Variants in MED27 observed in about 807,000 individuals in gnomAD.
The protein encoded by MED27 is mediator complex subunit 27.
In MED27, 30 loss-of-function variants were observed where a neutral mutation model predicts 38.2. The observed-to-expected ratio is 0.79, with a 90% CI of 0.59 to 1.07. The LOEUF (loss-of-function observed/expected upper bound fraction) is 1.07, where lower values mean the gene tolerates loss of function less well. Among genes scored for constraint, MED27 ranks in the 50% least tolerant of loss-of-function variants. MED27 has a pLI of 0.00. For synonymous variants in MED27, 122 were observed against 153.5 expected, an observed-to-expected ratio of 0.79 and a Z score of 1.52; for missense variants, 289 against 397.5, an observed-to-expected ratio of 0.73 and a Z score of 2.32.
At chr9:131,980,416 G>C (rs1201125116) in intron 3 of MED27, among the ~76,000 whole-genome samples, 1 of 152,168 alleles carries the variant, frequency 6.6e-6, no homozygotes, top group African/African-American at 2.4e-5. Flanking sequence ...CAGTGATTGA[G>C]AGATTCTAGT....
chr9:131,936,379 CAGATG>C (rs775798703), intron 4 of MED27, among the ~76,000 whole-genome samples: 3 of 152,158 alleles, frequency 2.0e-5, no homozygotes, highest in African/African-American at 4.8e-5. Flanking sequence ...CAGTGAGGAC[CAGATG>C]AGATAAGTGC....
chr9:131,904,447 C>T (rs975629534), intron 4 of MED27, among the ~76,000 whole-genome samples: 5 of 152,064 alleles, frequency 3.3e-5, no homozygotes, highest in Non-Finnish European at 7.3e-5. Context: ...ATTACCCAGG[C>T]TGGAGTACAG....
intron 2 of MED27, among the ~76,000 whole-genome samples, chr9:132,022,875 C>T (rs1043601940): frequency 2.0e-5 from 3 of 152,174 alleles, no homozygotes; most frequent in African/African-American, 7.2e-5. Flanking sequence ...TGAGCACTCA[C>T]TATCATGAGA....
At chr9:131,878,274 A>AAAATAAATAAATAAAT (rs139530478) in intron 6 of MED27, among the ~76,000 whole-genome samples, 46 of 147,828 alleles carry the variant, frequency 3.1e-4, no homozygotes, top group African/African-American at 1.1e-3. Flanking sequence ...CTCCATTACA[A>AAAATAAATAAATAAAT]AAATAAATAA....
At chr9:132,046,151 C>T (rs1052845402) in intron 2 of MED27, among the ~76,000 whole-genome samples, 5 of 152,068 alleles carry the variant, frequency 3.3e-5, no homozygotes, top group Admixed American at 1.3e-4. Flanking sequence ...ACTGACGAAT[C>T]GAGAGAAGAA....
In MED27 at chr9:131,998,770, T is replaced by C. The variant is rs150808429; in HGVS notation, c.479+15567A>G. On this transcript the variant is annotated intron_variant, in intron 3 of 7. Coordinates refer to ENST00000292035, the MANE Select transcript of MED27 (RefSeq NM_004269.4). ...CCCACATTTGATGTGTAAAGTCAGG[T>C]CCTGTACAAGCCACACTTGGGAGGC... 5.2e-3 allele frequency among the ~76,000 whole-genome samples: 789 copies of C among 152,192 alleles called. 3 individuals are homozygous for C. The highest frequency in any genetic ancestry group is 0.017 in the African/African-American group (707 of 41,514).
At chr9:131,882,785 T>C (rs1319786747) in intron 6 of MED27, among the ~76,000 whole-genome samples, 1 of 152,196 alleles carries the variant, frequency 6.6e-6, no homozygotes, top group African/African-American at 2.4e-5. Flanking sequence ...CCCCTTGTGT[T>C]TCCTGGCCAC....
intron 4 of MED27, among the ~76,000 whole-genome samples, chr9:131,921,087 A>G (rs958935093): frequency 1.3e-5 from 2 of 152,304 alleles, no homozygotes; most frequent in African/African-American, 2.4e-5. Context: ...ATTTCATCCA[A>G]TGTGGATATC....
chr9:131,890,993 T>C (rs1177785916), intron 5 of MED27, among the ~76,000 whole-genome samples: 6 of 152,312 alleles, frequency 3.9e-5, no homozygotes, highest in South Asian at 4.1e-4. Flanking sequence ...TAGGAAAAGA[T>C]TGTTCTGAAT....
At chr9:131,921,573 G>A in intron 4 of MED27, among the ~76,000 whole-genome samples, 1 of 152,204 alleles carries the variant, frequency 6.6e-6, no homozygotes, top group Non-Finnish European at 1.5e-5. Context: ...TTACACTGTT[G>A]GTGGGACTGT....
intron 3 of MED27, among the ~76,000 whole-genome samples, chr9:131,946,045 T>C (rs1003700386): frequency 1.3e-5 from 2 of 152,074 alleles, no homozygotes; most frequent in African/African-American, 4.8e-5. Context: ...TATAATGTCC[T>C]CTAGGTTCAT....
Position 131,875,898 on chromosome 9 carries a change from C to T in MED27, c.723+8160G>A, listed in dbSNP as rs138987406. On this transcript the variant is annotated intron_variant, in intron 6 of 7. Coordinates refer to ENST00000292035, the MANE Select transcript of MED27 (RefSeq NM_004269.4). ...GTGCTGGGATTACAGGCATGACCCA[C>T]GCGCCCGGCTGCGTCTCTGTTTTAC... Among the ~76,000 whole-genome samples, 50 of 152,346 alleles carry T rather than the reference C, an allele frequency of 3.3e-4. 1 individual carries two copies. The East Asian group carries it at 8.1e-3, about 25-fold the overall frequency.
At chr9:132,030,509 C>T (rs1046297470) in intron 2 of MED27, among the ~76,000 whole-genome samples, 16 of 152,062 alleles carry the variant, frequency 1.1e-4, no homozygotes, top group African/African-American at 2.9e-4. Context: ...CTCCCTCCCG[C>T]GACATAATGA....
Position 132,079,737 on chromosome 9 carries a change from C to T in MED27, c.108G>A (p.Lys36=). ...SSVSRVFDCL[K]DGMRNKETLE... ...GCGTCTCCTTGTTCCGCATCCCATC[C>T]TTCAGGCAGTCGAACACCCTGCTCA... Residue 36 remains lysine, a synonymous_variant, in exon 1 of 8, where the codon AAG becomes AAA. Transcript: ENST00000292035. 1.2e-6 allele frequency: 2 copies of T among 1,614,064 alleles called. No individual in the cohort carries two copies. The highest frequency in any genetic ancestry group is 2.2e-5 in the South Asian group (2 of 91,078).
chr9:132,015,613 C>T (rs1832583587), intron 2 of MED27, among the ~76,000 whole-genome samples: 1 of 152,146 alleles, frequency 6.6e-6, no homozygotes, highest in Non-Finnish European at 1.5e-5. Context: ...TCATTTGTGC[C>T]CTAACGCAGT....
chr9:132,062,504 A>C (rs559434607), intron 2 of MED27, among the ~76,000 whole-genome samples: 3 of 152,352 alleles, frequency 2.0e-5, no homozygotes, highest in Admixed American at 1.3e-4. Flanking sequence ...ATGGTGGCTC[A>C]AGGTGACTAA....
chr9:131,876,687 G>A (rs1190849826), intron 6 of MED27, among the ~76,000 whole-genome samples: 1 of 152,066 alleles, frequency 6.6e-6, no homozygotes, highest in African/African-American at 2.4e-5. Flanking sequence ...GTCAGCTGAG[G>A]GAAGGGCTGC....
intron 2 of MED27, among the ~76,000 whole-genome samples, chr9:132,072,163 T>G (rs145635300): frequency 1.4e-4 from 22 of 152,270 alleles, no homozygotes; most frequent in African/African-American, 4.8e-4. Flanking sequence ...AGTACACACA[T>G]GTGTACTATC....
At chr9:131,908,390 TTGAGAACGGGCCAGCA>T (rs1490234794) in intron 4 of MED27, among the ~76,000 whole-genome samples, 1 of 152,216 alleles carries the variant, frequency 6.6e-6, no homozygotes, top group African/African-American at 2.4e-5. Context: ...CAACAGCTCA[TTGAGAACGGGCCAGCA>T]TGACAATGGC....
Sources: allele counts gnomAD v4.1 joint callset (sites outside exome capture counted in the v4.1 genomes callset), GRCh38; gene constraint gnomAD v4.1.1; transcripts MANE v1.5; gene names NCBI Gene and HGNC (gene_info 2026-07-23, HGNC 2026-07-21).